GABRA4: variants seen among roughly 807,000 people sequenced by gnomAD.
GABRA4 encodes the protein gamma-aminobutyric acid receptor subunit alpha-4.
GABRA4 carries 12 observed loss-of-function variants against 49.7 expected under a neutral mutation model. That is an observed-to-expected ratio of 0.24 (90% CI 0.15 to 0.39). The LOEUF is 0.39. Ranked by LOEUF, GABRA4 falls within the 10% of genes least tolerant of loss-of-function variation. The pLI, the probability that GABRA4 is intolerant of heterozygous loss-of-function variation, is 1.00. For synonymous variants in GABRA4, 288 were observed against 240.2 expected (o/e 1.20, Z -1.84); for missense variants, 506 against 686.0 (o/e 0.74, Z 2.93).
intron 6 of GABRA4, among the ~76,000 whole-genome samples, chr4:46,972,883 C>CT (rs1455365337): frequency 2.0e-5 from 3 of 151,518 alleles, no homozygotes; most frequent in Non-Finnish European, 4.4e-5. Flanking sequence ...CAAAAAAAAA[C>CT]TTTGTTACCT....
intron 8 of GABRA4, among the ~76,000 whole-genome samples, chr4:46,944,083 A>G (rs1448854155): frequency 6.6e-6 from 1 of 152,108 alleles, no homozygotes; most frequent in Non-Finnish European, 1.5e-5. Context: ...ACGGTTAATC[A>G]TACTGTATTG....
intron 8 of GABRA4, among the ~76,000 whole-genome samples, chr4:46,947,274 C>T (rs940078119): frequency 6.6e-6 from 1 of 152,028 alleles, no homozygotes; most frequent in Admixed American, 6.6e-5. Context: ...TTACCCCATT[C>T]CCCTAAGGCA....
intron 7 of GABRA4, among the ~76,000 whole-genome samples, chr4:46,968,128 GA>G (rs1722830316): frequency 6.6e-6 from 1 of 151,362 alleles, no homozygotes; most frequent in South Asian, 2.1e-4. Context: ...AGTTAGGAAA[GA>G]AAAAAATTTG....
chr4:46,968,851 G>C (rs1560476965), intron 7 of GABRA4, among the ~76,000 whole-genome samples: 1 of 151,410 alleles, frequency 6.6e-6, no homozygotes, highest in Non-Finnish European at 1.5e-5. Flanking sequence ...ATAAATAAAA[G>C]GTTATCAAGT....
chr4:46,964,587 C>A (rs1722686613), intron 8 of GABRA4, among the ~76,000 whole-genome samples: 1 of 151,692 alleles, frequency 6.6e-6, no homozygotes, highest in Admixed American at 6.6e-5. Context: ...TTTAAAGACA[C>A]AAACAAAAAC....
At chr4:46,952,887 TAAC>T (rs1194798569) in intron 8 of GABRA4, among the ~76,000 whole-genome samples, 1 of 152,072 alleles carries the variant, frequency 6.6e-6, no homozygotes, top group Admixed American at 6.6e-5. Context: ...AACCTTTTAA[TAAC>T]AAAATTTCAC....
chr4:46,993,243 A>G (rs1225859737), intron 1 of GABRA4, 96 bp downstream of exon 1: 2 of 1,034,536 alleles, frequency 1.9e-6, no homozygotes, highest in Admixed American at 1.7e-5. Context: ...AAGAAGACCT[A>G]GTCCACCCAG....
At position 46,993,532 on chromosome 4, in the gene GABRA4, C is replaced by T. The variant is rs1473838579; in HGVS notation, c.-108G>A. On this transcript the variant is annotated 5_prime_UTR_variant, in exon 1 of 9. Coordinates refer to ENST00000264318, the MANE Select transcript of GABRA4 (RefSeq NM_000809.4). ...GAGGCTCCCGCGGCGTGCGCACACT[C>T]GCGCTCACACTCGCCCGCGCTCAGC... 1.7e-6 allele frequency: 2 copies of T among 1,171,744 alleles called. No homozygotes were observed. Among genetic ancestry groups the T allele is most frequent in the African/African-American group, 3.0e-5 (2 of 65,978 alleles). The allele number at this position is 1,171,744 out of a possible 1,614,324, so 72.6% of individuals were successfully genotyped here. A position where few individuals can be genotyped will look rare whatever the true frequency, so the allele number is the denominator to read the frequency against.
chr4:46,991,902 T>C (rs1311455741), intron 2 of GABRA4, among the ~76,000 whole-genome samples: 1 of 152,204 alleles, frequency 6.6e-6, no homozygotes, highest in African/African-American at 2.4e-5. Flanking sequence ...TAAGGCAGAA[T>C]CTCTATCCTG....
chr4:46,987,032 C>T (rs1273753467), intron 2 of GABRA4, among the ~76,000 whole-genome samples: 1 of 152,068 alleles, frequency 6.6e-6, no homozygotes, highest in Non-Finnish European at 1.5e-5. Context: ...ACTGCCTGTT[C>T]TGAACACAAG....
intron 8 of GABRA4, among the ~76,000 whole-genome samples, chr4:46,961,180 G>T (rs901433116): frequency 5.9e-5 from 9 of 151,840 alleles, no homozygotes; most frequent in African/African-American, 2.2e-4. Flanking sequence ...TTAGTGGAAA[G>T]ATATTAATTT....
intron 8 of GABRA4, among the ~76,000 whole-genome samples, chr4:46,963,721 C>A (rs1460352173): frequency 1.3e-5 from 2 of 151,748 alleles, no homozygotes; most frequent in African/African-American, 2.4e-5. Context: ...CATCACTGAT[C>A]ATCAGAGAAA....
intron 8 of GABRA4, among the ~76,000 whole-genome samples, chr4:46,953,403 C>T (rs1019626473): frequency 1.3e-5 from 2 of 152,084 alleles, no homozygotes; most frequent in Non-Finnish European, 2.9e-5. Flanking sequence ...TCCTAAACTT[C>T]TTGGAAATTT....
intron 8 of GABRA4, among the ~76,000 whole-genome samples, chr4:46,937,888 C>T (rs893235363): frequency 2.0e-5 from 3 of 152,074 alleles, no homozygotes; most frequent in Non-Finnish European, 4.4e-5. Context: ...ATATCTTCAC[C>T]TCCCTGAATA....
At position 46,956,470 on chromosome 4, in the gene GABRA4, TG is replaced by T. The variant is rs1191632533; in HGVS notation, c.1134+8499del. Among the ~76,000 whole-genome samples, 6 of 152,080 alleles carry T rather than the reference TG, an allele frequency of 3.9e-5. No homozygotes were observed. The East Asian group carries it at 5.8e-4, about 15-fold the overall frequency. Reference sequence around the variant, plus strand: ...GTTTATATACCCTTTAGGAATGGAATGAAGCTTGTATATTATGATAGCCAAC... The same window carrying T: ...GTTTATATACCCTTTAGGAATGGAATAAGCTTGTATATTATGATAGCCAAC... On this transcript the variant is annotated intron_variant, in intron 8 of 8. Coordinates refer to ENST00000264318, the MANE Select transcript of GABRA4 (RefSeq NM_000809.4).
At chr4:46,963,357 C>A (rs1722645479) in intron 8 of GABRA4, among the ~76,000 whole-genome samples, 1 of 151,764 alleles carries the variant, frequency 6.6e-6, no homozygotes, top group South Asian at 2.1e-4. Context: ...CCAGAATTCC[C>A]ACTTGTTGTA....
chr4:46,950,741 A>AATTAATTAATTAATT (rs376120511), intron 8 of GABRA4, among the ~76,000 whole-genome samples: 7,195 of 148,114 alleles, frequency 0.049, 213 homozygotes, highest in African/African-American at 0.064. Context: ...ATAAATAAAT[A>AATTAATTAATTAATT]AATAAATTAC....
At chr4:46,955,288 A>G (rs10015891) in intron 8 of GABRA4, among the ~76,000 whole-genome samples, 78,963 of 151,886 alleles carry the variant, frequency 0.52, 20,761 homozygotes, top group East Asian at 0.66. Flanking sequence ...TCTTAATGCA[A>G]CACTAAACTT....
rs1397326640 is a variant in GABRA4, at chr4:46,927,182, C to G, written c.*1043G>C. 1.3e-5 allele frequency: 2 copies of G among 152,250 alleles called. No homozygotes were observed. The highest frequency in any genetic ancestry group is 2.9e-5 in the Non-Finnish European group (2 of 67,926). 9.4% of individuals were successfully genotyped at this position (152,250 alleles called of 1,614,324 possible). A position where few individuals can be genotyped will look rare whatever the true frequency, so the allele number is the denominator to read the frequency against. On this transcript the variant is annotated 3_prime_UTR_variant, in exon 9 of 9. Transcript: ENST00000264318. The stretch of plus-strand genomic sequence containing the variant: ...CTTATATTGCCCTGATTTTTACTTT[C>G]AAGTACATAATGCTTTTCACTTATA...
Sources: allele counts gnomAD v4.1 joint callset (sites outside exome capture counted in the v4.1 genomes callset), GRCh38; gene constraint gnomAD v4.1.1; transcripts MANE v1.5; gene names NCBI Gene and HGNC (gene_info 2026-07-23, HGNC 2026-07-21).